Variants in PALD1 observed in about 807,000 individuals in gnomAD.
The protein encoded by PALD1 is paladin.
In PALD1, 57 loss-of-function variants were observed where a neutral mutation model predicts 96.0. That is an observed-to-expected ratio of 0.59 (90% CI 0.48 to 0.74). PALD1 has a LOEUF of 0.74. PALD1 is among the 30% of genes least tolerant of loss of function. The pLI, the probability that PALD1 is intolerant of heterozygous loss-of-function variation, is 0.00. For synonymous variants in PALD1, 464 were observed against 473.6 expected (o/e 0.98, Z 0.26); for missense variants, 1,063 against 1,143.7 (o/e 0.93, Z 1.02).
rs752213207 is a variant in PALD1, at chr10:70,537,765, A to G, written c.1228-46A>G. 6.0e-6 allele frequency: 8 copies of G among 1,329,462 alleles called. No individual in the cohort carries two copies. In the South Asian group the frequency reaches 8.4e-5, roughly 14 times the overall value. 82.4% of individuals were successfully genotyped at this position (1,329,462 alleles called of 1,614,324 possible). A position where few individuals can be genotyped will look rare whatever the true frequency, so the allele number is the denominator to read the frequency against. Reference sequence around the variant, plus strand: ...CCTTGCAGGGATGGGGACAGGGACAAGACTGCCTGAGGAGTCTGTCCTTAA... The same window carrying G: ...CCTTGCAGGGATGGGGACAGGGACAGGACTGCCTGAGGAGTCTGTCCTTAA... On this transcript the variant is annotated intron_variant, in intron 10 of 19. Coordinates refer to ENST00000263563, the MANE Select transcript of PALD1 (RefSeq NM_014431.3).
chr10:70,511,369 G>T (rs899352449), intron 1 of PALD1, among the ~76,000 whole-genome samples: 1 of 152,164 alleles, frequency 6.6e-6, no homozygotes, highest in Non-Finnish European at 1.5e-5. Flanking sequence ...GGCTTCAAGG[G>T]CTCATGGTTC....
intron 1 of PALD1, among the ~76,000 whole-genome samples, chr10:70,520,850 C>A (rs1846719996): frequency 6.6e-6 from 1 of 151,900 alleles, no homozygotes; most frequent in Non-Finnish European, 1.5e-5. Context: ...TGCCAGCACA[C>A]CCGGCTAATT....
chr10:70,566,587 T>C lies in PALD1; in HGVS notation c.2425T>C (p.Ser809Pro), dbSNP rs569505118. Residue 809 changes from serine (S) to proline (P), a missense_variant, in exon 20 of 20, where the codon TCG becomes CCG. By Grantham distance (74) the Ser-to-Pro change is moderately conservative. Coordinates refer to ENST00000263563, the MANE Select transcript of PALD1 (RefSeq NM_014431.3). ...PFSTWMQEVA[S>P]KAGIYEILNE... Reference sequence around the variant, plus strand: ...GCCTCTGCTCTCCTCCCAGGTGGCATCGAAGGCTGGCATCTACGAGATCCT... The same window carrying C: ...GCCTCTGCTCTCCTCCCAGGTGGCACCGAAGGCTGGCATCTACGAGATCCT... 2 of 1,608,814 alleles carry C rather than the reference T, an allele frequency of 1.2e-6. No homozygotes were observed. Among genetic ancestry groups the C allele is most frequent in the East Asian group, 2.2e-5 (1 of 44,714 alleles).
chr10:70,534,383 C>G lies in PALD1; in HGVS notation c.1023-42C>G, dbSNP rs554952976. The G allele has an allele frequency of 4.3e-6, 6 of 1,407,318 alleles. No individual in the cohort carries two copies. In the East Asian group the frequency reaches 1.2e-4, roughly 28 times the overall value. The allele number at this position is 1,407,318 out of a possible 1,614,324, so 87.2% of individuals were successfully genotyped here. On this transcript the variant is annotated intron_variant, in intron 8 of 19. Coordinates refer to ENST00000263563, the MANE Select transcript of PALD1 (RefSeq NM_014431.3). Reference sequence around the variant, plus strand: ...ACAGCAGGCGGGTGGCCGTGTGAGACCTTTGGAAGAGCCTGCTAATGTACT... The same window carrying G: ...ACAGCAGGCGGGTGGCCGTGTGAGAGCTTTGGAAGAGCCTGCTAATGTACT...
upstream of PALD1, among the ~76,000 whole-genome samples, chr10:70,475,965 C>A (rs1017233360): frequency 1.5e-4 from 23 of 152,216 alleles, no homozygotes; most frequent in African/African-American, 5.5e-4. Flanking sequence ...CACACTCACT[C>A]CCACTAGACA....
chr10:70,485,846 C>G (rs754678620), intron 1 of PALD1: 1 of 154,824 alleles, frequency 6.5e-6, no homozygotes, highest in Non-Finnish European at 1.5e-5. Context: ...GAAAGAGCTT[C>G]TCTCCAGCAC....
At chr10:70,473,102 C>T in the PALD1 span, among the ~76,000 whole-genome samples, 904 of 152,268 alleles carry the variant, frequency 5.9e-3, 34 homozygotes, top group Admixed American at 0.055. Flanking sequence ...AACAAACCTC[C>T]GTACATTGCT....
chr10:70,533,335 G>A (rs1847036170), intron 7 of PALD1, among the ~76,000 whole-genome samples: 2 of 152,052 alleles, frequency 1.3e-5, no homozygotes, highest in Admixed American at 1.3e-4. Flanking sequence ...GTGTGTCTCT[G>A]TGTGGGGATA....
chr10:70,556,465 G>A (rs528394877), intron 18 of PALD1, among the ~76,000 whole-genome samples: 4 of 152,104 alleles, frequency 2.6e-5, no homozygotes, highest in South Asian at 2.1e-4. Context: ...ACAGAGATGC[G>A]CCACCAGGCC....
the PALD1 span, among the ~76,000 whole-genome samples, chr10:70,468,750 G>T: frequency 3.6e-5 from 5 of 137,408 alleles, no homozygotes; most frequent in Non-Finnish European, 6.3e-5. Flanking sequence ...GTGTGTGTGT[G>T]TTTTGAGATG....
At chr10:70,537,668 C>T (rs571748677) in intron 10 of PALD1, 143 bp from the exon 11 acceptor site, 6 of 620,038 alleles carry the variant, frequency 9.7e-6, no homozygotes, top group Non-Finnish European at 1.7e-5. Flanking sequence ...GAAGAACTTA[C>T]AGCCTGGCAG....
intron 18 of PALD1, among the ~76,000 whole-genome samples, chr10:70,557,138 T>C (rs933547780): frequency 6.6e-6 from 1 of 152,216 alleles, no homozygotes; most frequent in Non-Finnish European, 1.5e-5. Context: ...CAGCCCTGGC[T>C]CTGCCAGTAA....
At chr10:70,508,226 C>T (rs1846433512) in intron 1 of PALD1, among the ~76,000 whole-genome samples, 1 of 152,194 alleles carries the variant, frequency 6.6e-6, no homozygotes, top group South Asian at 2.1e-4. Context: ...CAAGGATCTT[C>T]AAAGGCAACA....
chr10:70,565,067 G>A lies in PALD1; in HGVS notation c.2418+548G>A, dbSNP rs147669630. Among the ~76,000 whole-genome samples the A allele has an allele frequency of 3.4e-4, 52 of 152,364 alleles. 1 individual carries two copies. In the East Asian group the frequency reaches 9.3e-3, roughly 27 times the overall value. ...TGTGGGTGCCAGCCCTGAAGGCTGC[G>A]TTGGGGACTTGGGGAGACATACAGT... On this transcript the variant is annotated intron_variant, in intron 19 of 19. Coordinates refer to ENST00000263563, the MANE Select transcript of PALD1 (RefSeq NM_014431.3).
intron 1 of PALD1, 101 bp from the exon 2 acceptor site, chr10:70,525,822 G>T: frequency 1.1e-6 from 1 of 882,676 alleles, no homozygotes; most frequent in East Asian, 2.5e-5. Context: ...GCTGCAGAGT[G>T]AGCTGCCTTT....
intron 18 of PALD1, among the ~76,000 whole-genome samples, chr10:70,559,308 G>GT (rs2132440836): frequency 6.6e-6 from 1 of 152,250 alleles, no homozygotes; most frequent in East Asian, 1.9e-4. Context: ...TGGGAGCTGT[G>GT]TGTTTGAGGA....
At chr10:70,528,721 C>T (rs916530278) in intron 2 of PALD1, among the ~76,000 whole-genome samples, 2 of 152,202 alleles carry the variant, frequency 1.3e-5, no homozygotes, top group African/African-American at 4.8e-5. Flanking sequence ...CTCTTACATG[C>T]AAGTCCACGA....
At chr10:70,459,946 C>T in the PALD1 span, among the ~76,000 whole-genome samples, 1 of 152,238 alleles carries the variant, frequency 6.6e-6, no homozygotes, top group African/African-American at 2.4e-5. Context: ...GCTTCACGGT[C>T]ACCCTTCACC....
chr10:70,539,851 G>A lies in PALD1; in HGVS notation c.1908+89G>A, dbSNP rs1847205362. The A allele has an allele frequency of 5.1e-6, 6 of 1,184,818 alleles. No homozygotes were observed. The highest frequency in any genetic ancestry group is 2.5e-5 in the East Asian group (1 of 39,756). The allele number at this position is 1,184,818 out of a possible 1,614,324, so 73.4% of individuals were successfully genotyped here. The stretch of plus-strand genomic sequence containing the variant: ...GGTCTGGGCTCTGGGAGAATGAAAC[G>A]ACCCCAGCTTCTCTACGGGGCCCGG... On this transcript the variant is annotated intron_variant, in intron 15 of 19. Coordinates refer to ENST00000263563, the MANE Select transcript of PALD1 (RefSeq NM_014431.3). This position sits in a 1 kb window ranked among gnomAD's most constrained non-coding sequence, Gnocchi z 4.5.
Sources: allele counts gnomAD v4.1 joint callset (sites outside exome capture counted in the v4.1 genomes callset), GRCh38; gene constraint gnomAD v4.1.1; non-coding constraint Gnocchi (gnomAD v3.1); transcripts MANE v1.5; gene names NCBI Gene and HGNC (gene_info 2026-07-23, HGNC 2026-07-21).